COL4A5: variants seen among roughly 807,000 people sequenced by gnomAD.
COL4A5 encodes the protein collagen alpha-5(IV) chain.
COL4A5 carries 26 observed loss-of-function variants against 130.2 expected under a neutral mutation model. That is an observed-to-expected ratio of 0.20 (90% CI 0.15 to 0.28). COL4A5 has a LOEUF of 0.28. COL4A5 is among the 10% of genes least tolerant of loss of function. The probability of loss-of-function intolerance (pLI) is 1.00; values close to 1 mark genes in which losing one functional copy is unlikely to be tolerated. For missense variants in COL4A5, 1,131 were observed against 1,344.3 expected (o/e 0.84, Z 2.48); for synonymous variants, 496 against 439.6 (o/e 1.13, Z -1.60).
At chrX:108,573,039 C>G (rs1022093555) in intron 8 of COL4A5, among the ~76,000 whole-genome samples, 4 of 110,767 alleles carry the variant, frequency 3.6e-5, no homozygotes, top group Middle Eastern at 4.6e-3. Context: ...TGGATGACTC[C>G]TTATTATCCT....
chrX:108,505,453 A>G (rs767936292), intron 1 of COL4A5, among the ~76,000 whole-genome samples: 1 of 111,644 alleles, frequency 9.0e-6, no homozygotes, highest in Non-Finnish European at 1.9e-5. Flanking sequence ...AGTTGGTGTT[A>G]TGGACTGAAT....
At chrX:108,642,348 G>A (rs1478797269) in intron 36 of COL4A5, among the ~76,000 whole-genome samples, 1 of 110,585 alleles carries the variant, frequency 9.0e-6, no homozygotes, top group Non-Finnish European at 1.9e-5. Context: ...AGATTTCTAG[G>A]GCCCCACCTA....
intron 2 of COL4A5, among the ~76,000 whole-genome samples, chrX:108,540,251 A>G (rs1603268326): frequency 9.1e-6 from 1 of 110,490 alleles, no homozygotes; most frequent in Middle Eastern, 4.6e-3. Flanking sequence ...TAATATCTGC[A>G]TTTGGCCTGA....
intron 28 of COL4A5, among the ~76,000 whole-genome samples, chrX:108,603,701 A>G (rs1162523440): frequency 9.0e-6 from 1 of 111,495 alleles, no homozygotes; most frequent in Non-Finnish European, 1.9e-5. Context: ...TGCCACATCA[A>G]TTGACTCTTC....
At chrX:108,543,179 G>T (rs2065577682) in intron 2 of COL4A5, among the ~76,000 whole-genome samples, 1 of 110,225 alleles carries the variant, frequency 9.1e-6, no homozygotes, top group Non-Finnish European at 1.9e-5. Context: ...TGAAGTCCTT[G>T]CCCATGCCTA....
intron 1 of COL4A5, among the ~76,000 whole-genome samples, chrX:108,489,598 T>C (rs901573296): frequency 6.2e-5 from 7 of 112,288 alleles, no homozygotes; most frequent in South Asian, 3.6e-4. Flanking sequence ...GTTTGCTTTC[T>C]GCTAATATTA....
chrX:108,598,745 C>A lies in COL4A5; in HGVS notation c.1823C>A (p.Pro608Gln), dbSNP rs745763523. The change falls in exon 25 of 53, where the codon CCA becomes CAA. Residue 608 changes from proline to glutamine, a missense_variant. Pro to Gln is a moderately conservative substitution (Grantham distance 76). Transcript: ENST00000328300. ...FKGERGPPGNPGLPGLPGNIG... is the reference protein window; with the variant it reads ...FKGERGPPGNQGLPGLPGNIG... ...GGTGAAAGAGGTCCCCCTGGGAACC[C>A]AGGTTTACCAGGCCTCCCAGGGAAT... 1.7e-6 allele frequency: 2 copies of A among 1,210,630 alleles called. No homozygotes were observed. Among genetic ancestry groups the A allele is most frequent in the South Asian group, 1.8e-5 (1 of 56,929 alleles).
At chrX:108,581,158 C>T (rs923247004) in intron 16 of COL4A5, 131 bp downstream of exon 16, 14 of 570,625 alleles carry the variant, frequency 2.5e-5, no homozygotes, top group Non-Finnish European at 4.1e-5. Context: ...TGAAATTATC[C>T]AGTCTTTGTC....
chrX:108,525,201 A>G (rs899493131), intron 1 of COL4A5, among the ~76,000 whole-genome samples: 8 of 111,840 alleles, frequency 7.2e-5, no homozygotes, highest in Non-Finnish European at 1.1e-4. Flanking sequence ...TTTATAATTG[A>G]CATGGCATCC....
At chrX:108,689,905 T>C in intron 49 of COL4A5, 1 of 754,269 alleles carries the variant, frequency 1.3e-6, no homozygotes, top group Non-Finnish European at 1.6e-6. Flanking sequence ...CTTCGAAAAT[T>C]TGGAGACTAT....
At chrX:108,563,660 C>T (rs190942886) in intron 3 of COL4A5, among the ~76,000 whole-genome samples, 3 of 111,423 alleles carry the variant, frequency 2.7e-5, no homozygotes, top group South Asian at 3.8e-4. Flanking sequence ...CATATGTCAG[C>T]GATTTCCTTC....
intron 1 of COL4A5, among the ~76,000 whole-genome samples, chrX:108,535,182 G>A (rs2065439189): frequency 1.8e-5 from 2 of 110,917 alleles, no homozygotes; most frequent in Admixed American, 1.9e-4. Context: ...ATTGAGCTAT[G>A]TCATTTTCAT....
chrX:108,559,040 C>T (rs368936109), intron 2 of COL4A5, 24 bp from the exon 3 acceptor site: 23 of 1,146,927 alleles, frequency 2.0e-5, no homozygotes, highest in Non-Finnish European at 2.4e-5. Context: ...AATGACCTTA[C>T]CTTTCATTCT....
At chrX:108,621,772 G>A in intron 31 of COL4A5, 31 bp from the exon 32 acceptor site, 2 of 1,091,784 alleles carry the variant, frequency 1.8e-6, no homozygotes. Flanking sequence ...GTCAAAGAAA[G>A]GCAAACATTA....
rs186643494 is a variant in COL4A5 at position 108,510,361 on chromosome X, A to G, written c.82-29385A>G. ...TACTTTGTAATCTTAAAAAATTAAC[A>G]CACATAAAACCTTATGAGTTTATAC... On this transcript the variant is annotated intron_variant, in intron 1 of 52. Transcript: ENST00000328300. Among the ~76,000 whole-genome samples, 3 of 111,928 alleles carry G rather than the reference A, an allele frequency of 2.7e-5. No homozygotes were observed. In the East Asian group the frequency reaches 8.4e-4, roughly 31 times the overall value.
intron 2 of COL4A5, among the ~76,000 whole-genome samples, chrX:108,541,342 A>C (rs2065536378): frequency 8.9e-6 from 1 of 112,318 alleles, no homozygotes; most frequent in South Asian, 3.7e-4. Context: ...CTTTTGAGAT[A>C]AGAATGGAAT....
At chrX:108,517,104 T>G (rs1021917998) in intron 1 of COL4A5, among the ~76,000 whole-genome samples, 9 of 111,960 alleles carry the variant, frequency 8.0e-5, no homozygotes, top group African/African-American at 2.9e-4. Flanking sequence ...TAACTCAAGC[T>G]TCTTAACACA....
intron 39 of COL4A5, 87 bp from the exon 40 acceptor site, chrX:108,667,046 C>A: frequency 1.2e-6 from 1 of 865,481 alleles, no homozygotes; most frequent in South Asian, 2.0e-5. Context: ...CTAATGAAAA[C>A]CTCAATGATC....
intron 36 of COL4A5, among the ~76,000 whole-genome samples, chrX:108,630,535 T>G (rs985299860): frequency 1.8e-5 from 2 of 112,107 alleles, no homozygotes; most frequent in Non-Finnish European, 3.8e-5. Context: ...GTTTAAGTTC[T>G]TTGTAGATTC....
Sources: gnomAD v4.1 joint callset for allele counts (sites outside exome capture counted in the v4.1 genomes callset) on GRCh38, gnomAD v4.1.1 for gene constraint, MANE v1.5 for transcripts, NCBI Gene and HGNC (gene_info 2026-07-23, HGNC 2026-07-21) for gene names.